Variants in CD9 observed in about 807,000 individuals in gnomAD.
The protein encoded by CD9 is CD9 antigen.
CD9 carries 10 observed loss-of-function variants against 31.4 expected under a neutral mutation model. That is an observed-to-expected ratio of 0.32 (90% CI 0.20 to 0.54). The LOEUF (loss-of-function observed/expected upper bound fraction) is 0.54, where lower values mean the gene tolerates loss of function less well. Ranked by LOEUF, CD9 falls within the 20% of genes least tolerant of loss-of-function variation. CD9 has a pLI of 0.94. For synonymous variants in CD9, 113 were observed against 114.1 expected (o/e 0.99, Z 0.06); for missense variants, 259 against 300.1 (o/e 0.86, Z 1.01).
intron 7 of CD9, chr12:6,236,513 C>T (rs955939367): frequency 3.5e-6 from 2 of 564,098 alleles, no homozygotes; most frequent in Non-Finnish European, 3.1e-6. Flanking sequence ...AAAGAGTCGA[C>T]TCTCTTAGCC....
At chr12:6,218,903 T>G (rs764374903) in intron 1 of CD9, among the ~76,000 whole-genome samples, 3 of 152,192 alleles carry the variant, frequency 2.0e-5, no homozygotes, top group Non-Finnish European at 4.4e-5. Flanking sequence ...AGCTTACCTG[T>G]GTTCGTCAAA....
rs747484749 is a variant in CD9, at chr12:6,236,246, G to A, written c.592G>A (p.Ala198Thr). The A allele has an allele frequency of 8.1e-6, 13 of 1,614,200 alleles. No homozygotes were observed. Among genetic ancestry groups the A allele is most frequent in the Middle Eastern group, 1.6e-4 (1 of 6,062 alleles). ...CGACAATAAATTCCACATCATCGGC[G>A]CAGTGGGCATCGGCATTGCCGTGGT... ...VFDNKFHIIG[A>T]VGIGIAVVMI... is the part of the protein sequence containing the mutation. The change falls in exon 7 of 8, where the codon GCA becomes ACA. Residue 198 changes from alanine to threonine, a missense_variant. By Grantham distance (58) the Ala-to-Thr change is moderately conservative. Coordinates refer to ENST00000009180, the MANE Select transcript of CD9 (RefSeq NM_001769.4).
At chr12:6,222,437 C>G (rs1214344081) in intron 1 of CD9, among the ~76,000 whole-genome samples, 1 of 152,236 alleles carries the variant, frequency 6.6e-6, no homozygotes, top group African/African-American at 2.4e-5. Flanking sequence ...CAGCTTTTCC[C>G]ATTTCTCCAG....
rs533253239 is a variant in CD9 at position 6,207,049 on chromosome 12, C to T, written c.66+6484C>T. ...GGACTACAGCACACACCACTATACC[C>T]GGCTAATTTTTTTGTACAGAGAGGG... On this transcript the variant is annotated intron_variant, in intron 1 of 7. Transcript: ENST00000009180. Among the ~76,000 whole-genome samples, 245 of 152,186 alleles carry T rather than the reference C, an allele frequency of 1.6e-3. 1 individual carries two copies. The highest frequency in any genetic ancestry group is 5.6e-3 in the African/African-American group (234 of 41,508).
intron 1 of CD9, among the ~76,000 whole-genome samples, chr12:6,212,170 C>T (rs1946200203): frequency 6.6e-6 from 1 of 152,184 alleles, no homozygotes; most frequent in Non-Finnish European, 1.5e-5. Flanking sequence ...CTCTGCATGG[C>T]ATGTGCTGTG....
Sources: gnomAD v4.1 joint callset for allele counts (sites outside exome capture counted in the v4.1 genomes callset) on GRCh38, gnomAD v4.1.1 for gene constraint, MANE v1.5 for transcripts, NCBI Gene and HGNC (gene_info 2026-07-23, HGNC 2026-07-21) for gene names.